The following CSNK1D variants were observed in gnomAD, a reference collection of about 807,000 sequenced individuals.
The protein encoded by CSNK1D is casein kinase 1 delta, also known as casein kinase I isoform delta.
CSNK1D carries 16 observed loss-of-function variants against 46.6 expected under a neutral mutation model. That is an observed-to-expected ratio of 0.34 (90% CI 0.23 to 0.52). CSNK1D has a LOEUF of 0.52. Ranked by LOEUF, CSNK1D falls within the 20% of genes least tolerant of loss-of-function variation. CSNK1D has a pLI of 0.95. For synonymous variants in CSNK1D, 276 were observed against 228.2 expected, an observed-to-expected ratio of 1.21 and a Z score of -1.89; for missense variants, 398 against 578.4, an observed-to-expected ratio of 0.69 and a Z score of 3.20.
Position 82,252,374 on chromosome 17 carries a change from C to T in CSNK1D, c.736+60G>A. The T allele has an allele frequency of 6.9e-6, 11 of 1,587,228 alleles. No individual in the cohort carries two copies. The highest frequency in any genetic ancestry group is 9.5e-6 in the Non-Finnish European group (11 of 1,156,308). On this transcript the variant is annotated intron_variant, in intron 5 of 8. Coordinates refer to ENST00000314028, the MANE Select transcript of CSNK1D (RefSeq NM_001893.6). The surrounding 1 kb of genome is among the most constrained non-coding windows in gnomAD (Gnocchi z 4.6). The stretch of plus-strand genomic sequence containing the variant: ...ACCCAGACTGAGCCGTCTCGGCACA[C>T]CCGACACATATGCAACCCCTGTGAG...
At chr17:82,269,223 T>C (rs555001481) in intron 1 of CSNK1D, among the ~76,000 whole-genome samples, 12 of 151,476 alleles carry the variant, frequency 7.9e-5, no homozygotes, top group South Asian at 2.1e-4. Flanking sequence ...CCATTAAGGA[T>C]TGTCTTGTCA....
chr17:82,249,236 G>A lies in CSNK1D; in HGVS notation c.1057+195C>T. ...AGGGGAGGAACGTGAGATGCGGGAG[G>A]AATCACGCACACCAGCAGGTGCCGG... On this transcript the variant is annotated intron_variant, in intron 7 of 8. Transcript: ENST00000314028. This position sits in a 1 kb window ranked among gnomAD's most constrained non-coding sequence, Gnocchi z 6.7. 1 of 758,614 alleles carries A rather than the reference G, an allele frequency of 1.3e-6. No individual in the cohort carries two copies. Among genetic ancestry groups the A allele is most frequent in the Non-Finnish European group, 2.1e-6 (1 of 477,900 alleles). 47.0% of individuals were successfully genotyped at this position (758,614 alleles called of 1,614,324 possible). A position where few individuals can be genotyped will look rare whatever the true frequency, so the allele number is the denominator to read the frequency against.
In CSNK1D at chr17:82,249,592, C is replaced by A. The variant is rs866797018; in HGVS notation, c.896G>T (p.Arg299Leu). The change falls in exon 7 of 9, where the codon CGG becomes CTG. Residue 299 changes from arginine to leucine, a missense_variant. Physicochemically the swap from Arg to Leu is moderately radical, Grantham distance 102 (BLOSUM62 -2). Coordinates refer to ENST00000314028, the MANE Select transcript of CSNK1D (RefSeq NM_001893.6). The surrounding 1 kb of genome is among the most constrained non-coding windows in gnomAD (Gnocchi z 6.7). The stretch of plus-strand genomic sequence containing the variant: ...CTCCCGCTCGGCGTCATCGGCGGCC[C>A]GGCTGGCACCCTGAGGAGGCAGGAG... ...DWNMLKFGAS[R>L]AADDAERERR... The A allele has an allele frequency of 6.4e-7, 1 of 1,560,056 alleles. No individual in the cohort carries two copies. The highest frequency in any genetic ancestry group is 1.2e-5 in the South Asian group (1 of 85,268).
intron 1 of CSNK1D, among the ~76,000 whole-genome samples, chr17:82,272,904 C>T (rs1011701015): frequency 2.2e-5 from 3 of 134,966 alleles, no homozygotes; most frequent in Non-Finnish European, 4.9e-5. Context: ...CGGCCCGCTG[C>T]CCCCACCCCC....
At position 82,249,059 on chromosome 17, in the gene CSNK1D, CCT is replaced by C; in HGVS notation, c.1058-47_1058-46del. 1.9e-6 allele frequency: 3 copies of C among 1,542,728 alleles called. No homozygotes were observed. Among genetic ancestry groups the C allele is most frequent in the Non-Finnish European group, 2.6e-6 (3 of 1,142,372 alleles). On this transcript the variant is annotated intron_variant, in intron 7 of 8. Coordinates refer to ENST00000314028, the MANE Select transcript of CSNK1D (RefSeq NM_001893.6). The surrounding 1 kb of genome is among the most constrained non-coding windows in gnomAD (Gnocchi z 6.7). Reference sequence around the variant, plus strand: ...CGGAGTGGGCCGCCCCCGTCTGCTGCCTCTCACTCGGGGCTTTCTATGAGAGG... The same window carrying C: ...CGGAGTGGGCCGCCCCCGTCTGCTGCCTCACTCGGGGCTTTCTATGAGAGG...
chr17:82,251,308 C>T lies in CSNK1D; in HGVS notation c.885+71G>A, dbSNP rs1205264719. The T allele has an allele frequency of 2.5e-6, 4 of 1,583,066 alleles. No individual in the cohort carries two copies. The highest frequency in any genetic ancestry group is 2.2e-5 in the South Asian group (2 of 89,854). Reference sequence around the variant, plus strand: ...ATGGTACAGCCCCTCAACAAGACGGCCGCCGGCCTCTCACTGACAAGCCAT... The same window carrying T: ...ATGGTACAGCCCCTCAACAAGACGGTCGCCGGCCTCTCACTGACAAGCCAT... On this transcript the variant is annotated intron_variant, in intron 6 of 8. Coordinates refer to ENST00000314028, the MANE Select transcript of CSNK1D (RefSeq NM_001893.6). This position sits in a 1 kb window ranked among gnomAD's most constrained non-coding sequence, Gnocchi z 4.5.
chr17:82,240,520 G>A (rs1568545412), downstream of CSNK1D, among the ~76,000 whole-genome samples: 1 of 152,180 alleles, frequency 6.6e-6, no homozygotes, highest in East Asian at 1.9e-4. Flanking sequence ...CTGGCAGGGA[G>A]GTCATGGGCC....
chr17:82,267,122 G>T (rs779464030), intron 1 of CSNK1D: 5 of 147,128 alleles, frequency 3.4e-5, no homozygotes, highest in African/African-American at 1.0e-4. Flanking sequence ...ATGTGGAAAA[G>T]AATTCACACT....
chr17:82,250,321 C>T lies in CSNK1D; in HGVS notation c.886-719G>A, dbSNP rs987058256. ...CACGTTCACCAGGCAACACACAGAC[C>T]GACACACCTGCGGCTGCAGCACCGT... On this transcript the variant is annotated intron_variant, in intron 6 of 8. Transcript: ENST00000314028. The surrounding 1 kb of genome is among the most constrained non-coding windows in gnomAD (Gnocchi z 4.6). 1.6e-5 allele frequency: 11 copies of T among 686,166 alleles called. No homozygotes were observed. Among genetic ancestry groups the T allele is most frequent in the African/African-American group, 3.7e-5 (2 of 53,964 alleles). 42.5% of individuals were successfully genotyped at this position (686,166 alleles called of 1,614,324 possible).
At position 82,248,058 on chromosome 17, in the gene CSNK1D, G is replaced by A. The variant is rs965478551; in HGVS notation, c.1197+817C>T. 28 of 985,454 alleles carry A rather than the reference G, an allele frequency of 2.8e-5. No individual in the cohort carries two copies. The highest frequency in any genetic ancestry group is 3.4e-5 in the Non-Finnish European group (28 of 829,968). The allele number at this position is 985,454 out of a possible 1,614,324, so 61.0% of individuals were successfully genotyped here. On this transcript the variant is annotated intron_variant, in intron 8 of 8. Coordinates refer to ENST00000314028, the MANE Select transcript of CSNK1D (RefSeq NM_001893.6). The surrounding 1 kb of genome is among the most constrained non-coding windows in gnomAD (Gnocchi z 4.1). ...CCACAAGCCCAGAGCCAGGCTCCAG[G>A]GCATTTCTGAACTGAGTTCCTGCTC...
chr17:82,251,705 T>A lies in CSNK1D; in HGVS notation c.737-178A>T, dbSNP rs2051013400. 3 of 747,224 alleles carry A rather than the reference T, an allele frequency of 4.0e-6. No homozygotes were observed. Among genetic ancestry groups the A allele is most frequent in the Admixed American group, 2.1e-5 (1 of 48,760 alleles). 46.3% of individuals were successfully genotyped at this position (747,224 alleles called of 1,614,324 possible). Reference sequence around the variant, plus strand: ...GAGAAAGCATCGAAAAGTATTCAAGTCACGGCCGGGTGCGGCGGCTCACGC... The same window carrying A: ...GAGAAAGCATCGAAAAGTATTCAAGACACGGCCGGGTGCGGCGGCTCACGC... On this transcript the variant is annotated intron_variant, in intron 5 of 8. Transcript: ENST00000314028. The surrounding 1 kb of genome is among the most constrained non-coding windows in gnomAD (Gnocchi z 4.5).
At chr17:82,267,334 C>T (rs921151784) in intron 1 of CSNK1D, among the ~76,000 whole-genome samples, 3 of 152,082 alleles carry the variant, frequency 2.0e-5, no homozygotes, top group Admixed American at 2.0e-4. Flanking sequence ...GATAAGGTTC[C>T]CTGATGAAAA....
Position 82,244,253 on chromosome 17 carries a change from C to T in CSNK1D, c.*528G>A. The T allele has an allele frequency of 9.2e-7, 1 of 1,083,844 alleles. No individual in the cohort carries two copies. The highest frequency in any genetic ancestry group is 1.1e-6 in the Non-Finnish European group (1 of 887,204). The allele number at this position is 1,083,844 out of a possible 1,614,324, so 67.1% of individuals were successfully genotyped here. Reference sequence around the variant, plus strand: ...GAGATCCACCTGCACCTTCTCCCTGCCCGACTCCACCTCATACACTAACTC... The same window carrying T: ...GAGATCCACCTGCACCTTCTCCCTGTCCGACTCCACCTCATACACTAACTC... On this transcript the variant is annotated 3_prime_UTR_variant, in exon 9 of 9. Transcript: ENST00000314028.
intron 1 of CSNK1D, chr17:82,271,969 C>CA (rs1217073816): frequency 1.3e-5 from 2 of 152,310 alleles, no homozygotes; most frequent in Non-Finnish European, 2.9e-5. Flanking sequence ...CACACCGCCT[C>CA]AGGCTACATA....
At chr17:82,265,909 T>C in intron 1 of CSNK1D, 113 bp from the exon 2 acceptor site, 1 of 869,752 alleles carries the variant, frequency 1.1e-6, no homozygotes, top group Non-Finnish European at 2.0e-6. Context: ...AAGTGAGGGA[T>C]GTGTTCTCCT....
chr17:82,247,059 G>A, intron 8 of CSNK1D: 1 of 985,488 alleles, frequency 1.0e-6, no homozygotes, highest in East Asian at 1.1e-4. Context: ...CGCCCTGGAG[G>A]TGGGGAGCCC....
At chr17:82,246,368 G>C in intron 8 of CSNK1D, 3 of 1,275,732 alleles carry the variant, frequency 2.4e-6, no homozygotes, top group Non-Finnish European at 3.0e-6. Flanking sequence ...TGGGTCTCAG[G>C]GCACAGCCTG....
chr17:82,250,453 TC>T lies in CSNK1D; in HGVS notation c.886-852del. On this transcript the variant is annotated intron_variant, in intron 6 of 8. Transcript: ENST00000314028. The surrounding 1 kb of genome is among the most constrained non-coding windows in gnomAD (Gnocchi z 4.6). ...AATGCCGCAGGAGGGTCGCTCTGAT[TC>T]CTCCCGAGGCAGCACAGCCCCGGCA... 1 of 331,958 alleles carries T rather than the reference TC, an allele frequency of 3.0e-6. No individual in the cohort carries two copies. Among genetic ancestry groups the T allele is most frequent in the South Asian group, 2.2e-5 (1 of 44,450 alleles). 20.6% of individuals were successfully genotyped at this position (331,958 alleles called of 1,614,324 possible).
At chr17:82,272,477 C>T (rs1038024508) in intron 1 of CSNK1D, among the ~76,000 whole-genome samples, 1 of 152,218 alleles carries the variant, frequency 6.6e-6, no homozygotes, top group African/African-American at 2.4e-5. Flanking sequence ...TTGAAATCTA[C>T]CTTGAGACTG....
Sources: allele counts gnomAD v4.1 joint callset (sites outside exome capture counted in the v4.1 genomes callset), GRCh38; gene constraint gnomAD v4.1.1; non-coding constraint Gnocchi (gnomAD v3.1); transcripts MANE v1.5; gene names NCBI Gene and HGNC (gene_info 2026-07-23, HGNC 2026-07-21).